FAM174A: variants seen among roughly 807,000 people sequenced by gnomAD.
The protein encoded by FAM174A is membrane protein FAM174A.
A neutral mutation model predicts 14.3 loss-of-function variants in FAM174A; 14 were observed. The ratio of observed to expected loss-of-function variants is 0.98; its 90% CI spans 0.65 to 1.53. FAM174A has a LOEUF of 1.53. Among genes scored for constraint, FAM174A ranks in the 40% most tolerant of loss-of-function variants. The pLI is 0.00. For synonymous variants in FAM174A, 108 were observed against 111.4 expected, an observed-to-expected ratio of 0.97 and a Z score of 0.19; for missense variants, 241 against 249.6, an observed-to-expected ratio of 0.97 and a Z score of 0.23.
Position 100,535,636 on chromosome 5 carries a change from G to T in FAM174A, c.106G>T (p.Ala36Ser). 6.2e-7 allele frequency: 1 copy of T among 1,612,958 alleles called. No homozygotes were observed. Among genetic ancestry groups the T allele is most frequent in the Non-Finnish European group, 8.5e-7 (1 of 1,179,912 alleles). ...CGGGCCCCTGGCAGTCCTGCTGCAGGCAGCCGAGGCCGCGCCAGGTCTTGG... is the reference window on the plus strand; with the variant it reads ...CGGGCCCCTGGCAGTCCTGCTGCAGTCAGCCGAGGCCGCGCCAGGTCTTGG... ...LSGPLAVLLQ[A>S]AEAAPGLGPP... The change falls in exon 1 of 3, where the codon GCA (alanine) becomes TCA (serine). Residue 36 changes from alanine (A) to serine (S), a missense_variant. Physicochemically the swap from Ala to Ser is moderately conservative, Grantham distance 99. Transcript: ENST00000312637.
At chr5:100,561,618 T>C (rs1359561557) in intron 1 of FAM174A, among the ~76,000 whole-genome samples, 1 of 151,984 alleles carries the variant, frequency 6.6e-6, no homozygotes, top group African/African-American at 2.4e-5. Flanking sequence ...GCTATCAGTT[T>C]AGTCTGTGAA....
At chr5:100,583,950 C>A (rs1747069398) in intron 2 of FAM174A, among the ~76,000 whole-genome samples, 1 of 152,142 alleles carries the variant, frequency 6.6e-6, no homozygotes, top group Non-Finnish European at 1.5e-5. Flanking sequence ...GAATTAGAAA[C>A]ATTGTATTTG....
At chr5:100,557,331 G>A (rs1358909646) in intron 1 of FAM174A, among the ~76,000 whole-genome samples, 6 of 152,078 alleles carry the variant, frequency 3.9e-5, no homozygotes, top group Admixed American at 2.0e-4. Context: ...TGCTGGATTC[G>A]GTTTGCCAGT....
intron 2 of FAM174A, among the ~76,000 whole-genome samples, chr5:100,573,392 C>T (rs1246645728): frequency 5.3e-5 from 8 of 151,844 alleles, no homozygotes; most frequent in Non-Finnish European, 1.0e-4. Context: ...TTAGGTCTAA[C>T]GTTTAAGTCT....
chr5:100,548,343 G>A (rs1746200120), intron 1 of FAM174A, among the ~76,000 whole-genome samples: 1 of 151,984 alleles, frequency 6.6e-6, no homozygotes, highest in African/African-American at 2.4e-5. Flanking sequence ...AGATTCATCA[G>A]AACAACAACT....
intron 2 of FAM174A, among the ~76,000 whole-genome samples, chr5:100,573,956 AG>A (rs1746848820): frequency 6.6e-6 from 1 of 152,102 alleles, no homozygotes; most frequent in Non-Finnish European, 1.5e-5. Flanking sequence ...GACAAACCTG[AG>A]GGTTTTTTTT....
intron 2 of FAM174A, among the ~76,000 whole-genome samples, chr5:100,566,141 G>GATAGATATATATATATATATATAT (rs558236562): frequency 1.8e-4 from 15 of 81,794 alleles, no homozygotes; most frequent in Non-Finnish European, 3.4e-4. Context: ...TGAAAAGTAT[G>GATAGATATATATATATATATATAT]ATATATATAT....
chr5:100,543,700 C>T (rs555371859), intron 1 of FAM174A, among the ~76,000 whole-genome samples: 1 of 152,312 alleles, frequency 6.6e-6, no homozygotes, highest in South Asian at 2.1e-4. Context: ...GACGATTCTC[C>T]TGCCTCAGCC....
In FAM174A at chr5:100,568,755, G is replaced by A. The variant is rs1746716077; in HGVS notation, c.569+6567G>A. Among the ~76,000 whole-genome samples, 3 of 151,892 alleles carry A rather than the reference G, an allele frequency of 2.0e-5. No individual in the cohort carries two copies. The South Asian group carries it at 6.2e-4, about 32-fold the overall frequency. ...TTCTAAAAAAAAATGAAAGTTTGCA[G>A]TTTTCTCCTCACTGTCCCATCATGT... On this transcript the variant is annotated intron_variant, in intron 2 of 2. Transcript: ENST00000312637.
At chr5:100,549,773 T>C (rs1413565639) in intron 1 of FAM174A, among the ~76,000 whole-genome samples, 1 of 152,006 alleles carries the variant, frequency 6.6e-6, no homozygotes, top group African/African-American at 2.4e-5. Context: ...GAGGGTTTTT[T>C]TAAAAATATG....
chr5:100,574,160 C>T (rs973795669), intron 2 of FAM174A, among the ~76,000 whole-genome samples: 50 of 151,062 alleles, frequency 3.3e-4, no homozygotes, highest in Middle Eastern at 3.4e-3. Flanking sequence ...CATACAGTTC[C>T]GCAGATTTCC....
intron 2 of FAM174A, among the ~76,000 whole-genome samples, chr5:100,584,874 C>G (rs1390067374): frequency 1.3e-5 from 2 of 151,940 alleles, no homozygotes; most frequent in African/African-American, 4.8e-5. Flanking sequence ...AGCAATCCAA[C>G]TTCTTTTTTT....
chr5:100,580,985 A>G (rs112871957), intron 2 of FAM174A, among the ~76,000 whole-genome samples: 3 of 152,092 alleles, frequency 2.0e-5, no homozygotes, highest in Non-Finnish European at 2.9e-5. Flanking sequence ...CTGGACTACA[A>G]TGGCGTGATC....
At chr5:100,561,457 TG>T (rs1207320875) in intron 1 of FAM174A, among the ~76,000 whole-genome samples, 1 of 151,982 alleles carries the variant, frequency 6.6e-6, no homozygotes, top group Non-Finnish European at 1.5e-5. Context: ...TCTCAGATAA[TG>T]GTTTATATCA....
At chr5:100,563,978 C>T (rs1045158314) in intron 2 of FAM174A, among the ~76,000 whole-genome samples, 3 of 151,886 alleles carry the variant, frequency 2.0e-5, no homozygotes, top group African/African-American at 7.2e-5. Context: ...ACTGATCCCT[C>T]ATGGCTTGGT....
rs1746257616 is a variant in FAM174A, at chr5:100,551,277, C to G, written c.435-10777C>G. On this transcript the variant is annotated intron_variant, in intron 1 of 2. Coordinates refer to ENST00000312637, the MANE Select transcript of FAM174A (RefSeq NM_198507.3). ...TACGGGAAGCAAAGTGGCTTGACAT[C>G]TTCCTGCTGTCACAGATTTGGGTCC... 3.3e-5 allele frequency among the ~76,000 whole-genome samples: 5 copies of G among 152,172 alleles called. 1 individual carries two copies. The South Asian group carries it at 1.0e-3, about 32-fold the overall frequency.
At chr5:100,563,036 A>C (rs1210318431) in intron 2 of FAM174A, among the ~76,000 whole-genome samples, 6 of 151,874 alleles carry the variant, frequency 4.0e-5, no homozygotes, top group African/African-American at 9.7e-5. Context: ...CTCAACAAAA[A>C]TTGGACTACT....
intron 2 of FAM174A, among the ~76,000 whole-genome samples, chr5:100,566,165 T>TATATAC (rs1746646884): frequency 7.2e-6 from 1 of 138,946 alleles, no homozygotes; most frequent in Non-Finnish European, 1.6e-5. Context: ...TATATATATA[T>TATATAC]ATATATGTAC....
chr5:100,550,327 T>C (rs1480792052), intron 1 of FAM174A, among the ~76,000 whole-genome samples: 2 of 152,182 alleles, frequency 1.3e-5, no homozygotes, highest in Admixed American at 1.3e-4. Context: ...ATATTACGAT[T>C]TTAAATTTGG....
Sources: gnomAD v4.1 joint callset for allele counts (sites outside exome capture counted in the v4.1 genomes callset) on GRCh38, gnomAD v4.1.1 for gene constraint, MANE v1.5 for transcripts, NCBI Gene and HGNC (gene_info 2026-07-23, HGNC 2026-07-21) for gene names.